ANKEF1: variants seen among roughly 807,000 people sequenced by gnomAD.
ANKEF1 encodes the protein ankyrin repeat and EF-hand domain-containing protein 1.
In ANKEF1, 43 loss-of-function variants were observed where a neutral mutation model predicts 65.1. The ratio of observed to expected loss-of-function variants is 0.66; its 90% CI spans 0.52 to 0.85. The LOEUF (loss-of-function observed/expected upper bound fraction) is 0.85, where lower values mean the gene tolerates loss of function less well. Among genes scored for constraint, ANKEF1 ranks in the 40% least tolerant of loss-of-function variants. The probability of loss-of-function intolerance (pLI) is 0.00; values close to 1 mark genes in which losing one functional copy is unlikely to be tolerated. For missense variants in ANKEF1, 934 were observed against 952.9 expected, an observed-to-expected ratio of 0.98 and a Z score of 0.26; for synonymous variants, 316 against 341.5, an observed-to-expected ratio of 0.93 and a Z score of 0.82.
chr20:10,054,363 GT>G, intron 9 of ANKEF1, 98 bp from the exon 10 acceptor site: 1 of 964,856 alleles, frequency 1.0e-6, no homozygotes, highest in Middle Eastern at 2.8e-4. Context: ...GCATTTTTAG[GT>G]TTCTTTCTGG....
intron 2 of ANKEF1, among the ~76,000 whole-genome samples, chr20:10,036,403 A>G (rs1257814815): frequency 6.6e-6 from 1 of 151,870 alleles, no homozygotes; most frequent in African/African-American, 2.4e-5. Context: ...CACCGCACCT[A>G]ATCGGAATAT....
chr20:10,036,085 G>A (rs567147570), intron 2 of ANKEF1, among the ~76,000 whole-genome samples: 8 of 152,164 alleles, frequency 5.3e-5, no homozygotes, highest in Admixed American at 1.3e-4. Context: ...GTGAGCTCTT[G>A]GTCAGTCTTA....
At chr20:10,035,509 T>A (rs553615261) in intron 1 of ANKEF1, 70 bp from the exon 2 acceptor site, 1 of 152,394 alleles carries the variant, frequency 6.6e-6, no homozygotes, top group African/African-American at 2.4e-5. Flanking sequence ...GGTGTATTCA[T>A]AAGGAGCCTA....
intron 3 of ANKEF1, among the ~76,000 whole-genome samples, chr20:10,042,194 T>C (rs144304975): frequency 6.6e-5 from 10 of 152,320 alleles, no homozygotes; most frequent in African/African-American, 2.4e-4. Flanking sequence ...CTTTGCACTT[T>C]CATTTTAGAA....
intron 6 of ANKEF1, among the ~76,000 whole-genome samples, chr20:10,046,422 T>C (rs1404082631): frequency 3.3e-5 from 5 of 152,204 alleles, no homozygotes; most frequent in African/African-American, 1.2e-4. Context: ...AATTTGCAGT[T>C]ATGGGGAAAA....
chr20:10,038,159 AC>A lies in ANKEF1; in HGVS notation c.-44-98del, dbSNP rs1600507248. Reference sequence around the variant, plus strand: ...CTACTTTCTGAACATTTCTTAAAAAACAATCTCTGTTCTTAAGGAAGTTCCA... The same window carrying A: ...CTACTTTCTGAACATTTCTTAAAAAAAATCTCTGTTCTTAAGGAAGTTCCA... On this transcript the variant is annotated intron_variant, in intron 2 of 10. Transcript: ENST00000378392. 90 of 508,066 alleles carry A rather than the reference AC, an allele frequency of 1.8e-4. 2 individuals are homozygous for A. In the East Asian group the frequency reaches 2.7e-3, roughly 15 times the overall value. 31.5% of individuals were successfully genotyped at this position (508,066 alleles called of 1,614,324 possible).
At chr20:10,051,519 A>G (rs779603684) in intron 7 of ANKEF1, 144 bp from the exon 8 acceptor site, 7 of 625,100 alleles carry the variant, frequency 1.1e-5, no homozygotes, top group Non-Finnish European at 1.9e-5. Flanking sequence ...AATAATGCAG[A>G]ACAAAGAGGT....
At chr20:10,047,661 C>T (rs1377727310) in intron 6 of ANKEF1, among the ~76,000 whole-genome samples, 1 of 152,126 alleles carries the variant, frequency 6.6e-6, no homozygotes, top group Non-Finnish European at 1.5e-5. Context: ...CTCGTGGAGT[C>T]CTCCTCCTCC....
chr20:10,043,334 TTG>T lies in ANKEF1; in HGVS notation c.546+16_546+17del, dbSNP rs1477764076. The T allele has an allele frequency of 6.2e-7, 1 of 1,610,512 alleles. No individual in the cohort carries two copies. The highest frequency in any genetic ancestry group is 8.5e-7 in the Non-Finnish European group (1 of 1,177,532). On this transcript the variant is annotated intron_variant, in intron 4 of 10. Transcript: ENST00000378392. ...TGCAATCAACTCAGTATGGCTATTCTTGTGATTACAAATATTTCTTGTTTCAA... is the reference window on the plus strand; with the variant it reads ...TGCAATCAACTCAGTATGGCTATTCTTGATTACAAATATTTCTTGTTTCAA...
Position 10,053,123 on chromosome 20 carries a change from A to G in ANKEF1, c.1882A>G (p.Met628Val). The G allele has an allele frequency of 6.2e-7, 1 of 1,601,280 alleles. No individual in the cohort carries two copies. The highest frequency in any genetic ancestry group is 2.2e-5 in the East Asian group (1 of 44,808). ...QLENRKGHSA[M>V]DVAKAYADYR... Reference sequence around the variant, plus strand: ...TTATGTTTCAACAGGGCATAGTGCCATGGACGTTGCAAAGGCATATGCTGA... The same window carrying G: ...TTATGTTTCAACAGGGCATAGTGCCGTGGACGTTGCAAAGGCATATGCTGA... The change falls in exon 9 of 11, where the codon ATG becomes GTG. Residue 628 changes from methionine (M) to valine (V), a missense_variant. Met to Val is a conservative substitution (Grantham distance 21). Coordinates refer to ENST00000378392, the MANE Select transcript of ANKEF1 (RefSeq NM_022096.6).
chr20:10,042,213 A>G (rs1206121224), intron 3 of ANKEF1, among the ~76,000 whole-genome samples: 1 of 152,126 alleles, frequency 6.6e-6, no homozygotes, highest in African/African-American at 2.4e-5. Context: ...AACAAGTTAT[A>G]TTTAGTTTCT....
At position 10,044,512 on chromosome 20, in the gene ANKEF1, C is replaced by T; in HGVS notation, c.665C>T (p.Ala222Val). Residue 222 changes from alanine to valine, a missense_variant, in exon 5 of 11, where the codon GCT (alanine) becomes GTT (valine). By Grantham distance (64) the Ala-to-Val change is moderately conservative. Coordinates refer to ENST00000378392, the MANE Select transcript of ANKEF1 (RefSeq NM_022096.6). The stretch of plus-strand genomic sequence containing the variant: ...TTTGACAACGACAGGCATCACGCTG[C>T]TCATTTTGCTGCTAAAGGAGGCTTT... ...NAFDNDRHHA[A>V]HFAAKGGFFD... 1 of 1,614,078 alleles carries T rather than the reference C, an allele frequency of 6.2e-7. No individual in the cohort carries two copies. Among genetic ancestry groups the T allele is most frequent in the South Asian group, 1.1e-5 (1 of 91,072 alleles).
At chr20:10,037,181 TA>T (rs1446252189) in intron 2 of ANKEF1, among the ~76,000 whole-genome samples, 1 of 152,194 alleles carries the variant, frequency 6.6e-6, no homozygotes, top group Non-Finnish European at 1.5e-5. Context: ...AACTAGCTTA[TA>T]CCAAAATAAG....
chr20:10,044,348 A>G (rs1471209673), intron 4 of ANKEF1, 46 bp from the exon 5 acceptor site: 3 of 1,593,226 alleles, frequency 1.9e-6, no homozygotes, highest in Non-Finnish European at 1.7e-6. Context: ...GCTACTTAAT[A>G]TGATGGGTAT....
chr20:10,036,351 C>T (rs1600505069), intron 2 of ANKEF1, among the ~76,000 whole-genome samples: 1 of 150,052 alleles, frequency 6.7e-6, no homozygotes, highest in East Asian at 1.9e-4. Context: ...GAGCATCTTG[C>T]CCTATTCCAT....
chr20:10,048,944 G>A (rs1341937277), intron 6 of ANKEF1, among the ~76,000 whole-genome samples: 1 of 152,130 alleles, frequency 6.6e-6, no homozygotes. Flanking sequence ...CAGATTTACA[G>A]TTTAAATCAT....
Position 10,053,032 on chromosome 20 carries a change from G to C in ANKEF1, c.1871-80G>C. On this transcript the variant is annotated intron_variant, in intron 8 of 10. Coordinates refer to ENST00000378392, the MANE Select transcript of ANKEF1 (RefSeq NM_022096.6). ...CCCTTATTAGGGCAGGCTTAGAGCT[G>C]ATGTGCTGAGATATTTTTCTACATG... 4.9e-6 allele frequency: 7 copies of C among 1,419,866 alleles called. 1 individual carries two copies. In the South Asian group the frequency reaches 1.0e-4, roughly 21 times the overall value. 88.0% of individuals were successfully genotyped at this position (1,419,866 alleles called of 1,614,324 possible).
chr20:10,053,560 T>TACA (rs1439023569), intron 9 of ANKEF1, among the ~76,000 whole-genome samples: 1 of 152,148 alleles, frequency 6.6e-6, no homozygotes, highest in East Asian at 1.9e-4. Flanking sequence ...AAACTGGTGT[T>TACA]GGATTTGTAT....
intron 1 of ANKEF1, 40 bp downstream of exon 1, chr20:10,035,373 C>G (rs6133785): frequency 0.16 from 24,848 of 152,290 alleles, 2,208 homozygotes; most frequent in East Asian, 0.27. Flanking sequence ...CGTTACATCT[C>G]TACCCCCTCC....
Sources: gnomAD v4.1 joint callset for allele counts (sites outside exome capture counted in the v4.1 genomes callset) on GRCh38, gnomAD v4.1.1 for gene constraint, MANE v1.5 for transcripts, NCBI Gene and HGNC (gene_info 2026-07-23, HGNC 2026-07-21) for gene names.